The following AUTS2 variants were observed in gnomAD, a reference collection of about 807,000 sequenced individuals.
AUTS2 encodes the protein activator of transcription and developmental regulator AUTS2.
Under a neutral mutation model 112.4 loss-of-function variants are expected in AUTS2, and 17 were observed. That is an observed-to-expected ratio of 0.15 (90% CI 0.10 to 0.23). The LOEUF is 0.23. Ranked by LOEUF, AUTS2 falls within the 10% of genes least tolerant of loss-of-function variation. AUTS2 has a pLI of 1.00. For synonymous variants in AUTS2, 751 were observed against 702.7 expected (o/e 1.07, Z -1.09); for missense variants, 1,510 against 1,701.6 (o/e 0.89, Z 1.98).
At position 70,000,547 on chromosome 7, in the gene AUTS2, TCTC is replaced by T. The variant is rs1191508278; in HGVS notation, c.522+101052_522+101054del. On this transcript the variant is annotated intron_variant, in intron 2 of 18. Transcript: ENST00000342771. The stretch of plus-strand genomic sequence containing the variant: ...TAATAACAGAGTTGATTGTTTACCT[TCTC>T]CTTTGGTTAGAAGACTGGTATGGGG... Among the ~76,000 whole-genome samples the T allele has an allele frequency of 2.3e-4, 35 of 152,316 alleles. No homozygotes were observed. In the East Asian group the frequency reaches 6.0e-3, roughly 26 times the overall value.
chr7:70,439,075 G>T (rs1307465202), intron 5 of AUTS2, among the ~76,000 whole-genome samples: 1 of 152,226 alleles, frequency 6.6e-6, no homozygotes, highest in Non-Finnish European at 1.5e-5. Flanking sequence ...TAACGTGGAA[G>T]TGACTCCGAA....
chr7:70,713,821 G>A (rs548957504), intron 6 of AUTS2, among the ~76,000 whole-genome samples: 84 of 152,134 alleles, frequency 5.5e-4, no homozygotes, highest in African/African-American at 1.6e-3. Flanking sequence ...GCATGAACCC[G>A]GGAGGCAGAG....
intron 4 of AUTS2, among the ~76,000 whole-genome samples, chr7:70,341,925 T>G (rs1268857176): frequency 6.6e-6 from 1 of 152,238 alleles, no homozygotes; most frequent in Non-Finnish European, 1.5e-5. Context: ...TCTGGTTTTC[T>G]TGATTTCTTT....
At chr7:70,188,670 A>G (rs1809727078) in intron 4 of AUTS2, among the ~76,000 whole-genome samples, 1 of 152,150 alleles carries the variant, frequency 6.6e-6, no homozygotes, top group Admixed American at 6.5e-5. Flanking sequence ...TTTGTACGAG[A>G]GTCACTCTTA....
chr7:70,527,314 G>A (rs1799881154), intron 5 of AUTS2, among the ~76,000 whole-genome samples: 1 of 152,212 alleles, frequency 6.6e-6, no homozygotes. Flanking sequence ...TTGGTTAAAT[G>A]TCCCTATCCA....
chr7:70,356,821 A>G (rs1792034218), intron 4 of AUTS2, among the ~76,000 whole-genome samples: 1 of 151,082 alleles, frequency 6.6e-6, no homozygotes, highest in Non-Finnish European at 1.5e-5. Context: ...GGGCGTTTTT[A>G]TGATGGATAG....
chr7:70,599,815 G>C (rs1803382108), intron 5 of AUTS2, among the ~76,000 whole-genome samples: 1 of 152,162 alleles, frequency 6.6e-6, no homozygotes, highest in African/African-American at 2.4e-5. Flanking sequence ...TGGTGGGCAG[G>C]GATGGCCAGG....
chr7:70,321,562 T>C (rs991613154), intron 4 of AUTS2, among the ~76,000 whole-genome samples: 9 of 152,320 alleles, frequency 5.9e-5, no homozygotes, highest in African/African-American at 2.2e-4. Context: ...TTGGAGCACC[T>C]TTGGGTGTAC....
Position 70,468,540 on chromosome 7 carries a change from C to T in AUTS2, c.690+32759C>T, listed in dbSNP as rs188464010. Among the ~76,000 whole-genome samples, 5 of 152,336 alleles carry T rather than the reference C, an allele frequency of 3.3e-5. 1 individual carries two copies. The highest frequency in any genetic ancestry group is 4.4e-5 in the Non-Finnish European group (3 of 68,024). On this transcript the variant is annotated intron_variant, in intron 5 of 18. Coordinates refer to ENST00000342771, the MANE Select transcript of AUTS2 (RefSeq NM_015570.4). ...CTGAGAGATCTTGTAAATGAAATCA[C>T]TGACCCCTCCCTGCCAGAGATGTTG...
chr7:70,014,833 A>G (rs1413791810), intron 2 of AUTS2, among the ~76,000 whole-genome samples: 3 of 152,224 alleles, frequency 2.0e-5, no homozygotes, highest in African/African-American at 4.8e-5. Flanking sequence ...GGTACACTGG[A>G]ACTGCCATGG....
intron 5 of AUTS2, among the ~76,000 whole-genome samples, chr7:70,464,197 G>T (rs1797083736): frequency 6.6e-6 from 1 of 152,108 alleles, no homozygotes; most frequent in Admixed American, 6.5e-5. Context: ...CAGTGATATT[G>T]CTCTTCTGGA....
intron 2 of AUTS2, among the ~76,000 whole-genome samples, chr7:70,001,697 G>C (rs1799201171): frequency 6.6e-6 from 1 of 151,024 alleles, no homozygotes; most frequent in South Asian, 2.1e-4. Context: ...TTGAATTATA[G>C]CCTCATTGTC....
At chr7:70,548,180 G>C (rs1215739380) in intron 5 of AUTS2, among the ~76,000 whole-genome samples, 1 of 152,070 alleles carries the variant, frequency 6.6e-6, no homozygotes, top group Non-Finnish European at 1.5e-5. Context: ...GCTGAATAAG[G>C]GTGTTGAGCA....
At chr7:69,816,017 A>G (rs1426991814) in intron 1 of AUTS2, among the ~76,000 whole-genome samples, 1 of 152,206 alleles carries the variant, frequency 6.6e-6, no homozygotes, top group Non-Finnish European at 1.5e-5. Flanking sequence ...AAGAAAGGTC[A>G]TGTCACCTGC....
chr7:70,034,864 A>T (rs1800931489), intron 2 of AUTS2, among the ~76,000 whole-genome samples: 1 of 152,000 alleles, frequency 6.6e-6, no homozygotes, highest in Admixed American at 6.6e-5. Context: ...AGGCTGTCTC[A>T]CTCTATCATC....
At chr7:70,532,153 G>C (rs957884728) in intron 5 of AUTS2, among the ~76,000 whole-genome samples, 5 of 152,184 alleles carry the variant, frequency 3.3e-5, no homozygotes, top group African/African-American at 1.2e-4. Context: ...AGCAGCAAGA[G>C]AGCAGGCCCC....
chr7:70,478,500 T>C (rs1797666264), intron 5 of AUTS2, among the ~76,000 whole-genome samples: 2 of 152,170 alleles, frequency 1.3e-5, no homozygotes, highest in African/African-American at 4.8e-5. Flanking sequence ...CAGGAGGCTC[T>C]TCAAAAAACT....
chr7:70,087,731 A>G (rs1023745734), intron 2 of AUTS2, among the ~76,000 whole-genome samples: 7 of 152,298 alleles, frequency 4.6e-5, no homozygotes, highest in African/African-American at 7.2e-5. Context: ...ACATTATAGA[A>G]TATATTGGGA....
At chr7:70,089,425 A>G (rs1803790338) in intron 2 of AUTS2, among the ~76,000 whole-genome samples, 1 of 152,060 alleles carries the variant, frequency 6.6e-6, no homozygotes, top group African/African-American at 2.4e-5. Context: ...TGATATAGCT[A>G]TTGCAGCTCA....
Sources: gnomAD v4.1 joint callset for allele counts (sites outside exome capture counted in the v4.1 genomes callset) on GRCh38, gnomAD v4.1.1 for gene constraint, MANE v1.5 for transcripts, NCBI Gene and HGNC (gene_info 2026-07-23, HGNC 2026-07-21) for gene names.